Variants in KCNK10 observed in about 807,000 individuals in gnomAD.
KCNK10 encodes the protein potassium two pore domain channel subfamily K member 10.
KCNK10 carries 25 observed loss-of-function variants against 47.7 expected under a neutral mutation model. The observed-to-expected ratio is 0.52, with a 90% CI of 0.38 to 0.73. The LOEUF (loss-of-function observed/expected upper bound fraction) is 0.73. Among genes scored for constraint, KCNK10 ranks in the 30% least tolerant of loss-of-function variants. KCNK10 has a pLI of 0.00. For missense variants in KCNK10, 563 were observed against 714.5 expected (o/e 0.79, Z 2.42); for synonymous variants, 303 against 285.6 (o/e 1.06, Z -0.61).
intron 6 of KCNK10, among the ~76,000 whole-genome samples, chr14:88,187,738 C>T (rs760899268): frequency 9.9e-5 from 15 of 151,592 alleles, no homozygotes; most frequent in Non-Finnish European, 2.1e-4. Flanking sequence ...GGCTGGTAAA[C>T]GAATCACCAT....
At chr14:88,244,782 T>A (rs1024028683) in intron 2 of KCNK10, among the ~76,000 whole-genome samples, 1 of 152,156 alleles carries the variant, frequency 6.6e-6, no homozygotes, top group Non-Finnish European at 1.5e-5. Flanking sequence ...TCGGAACAGT[T>A]TAGCTCAAAA....
intron 1 of KCNK10, among the ~76,000 whole-genome samples, chr14:88,308,979 C>T (rs1240150235): frequency 6.6e-6 from 1 of 152,174 alleles, no homozygotes; most frequent in Non-Finnish European, 1.5e-5. Context: ...GTGCCTGAAA[C>T]AGATTTCTAA....
At chr14:88,264,174 A>G (rs1887193853) in intron 1 of KCNK10, among the ~76,000 whole-genome samples, 1 of 152,232 alleles carries the variant, frequency 6.6e-6, no homozygotes, top group African/African-American at 2.4e-5. Context: ...ATAAGACGTC[A>G]TTGGAAAAAA....
chr14:88,241,575 C>T (rs1886471909), intron 2 of KCNK10, among the ~76,000 whole-genome samples: 1 of 152,066 alleles, frequency 6.6e-6, no homozygotes, highest in Admixed American at 6.6e-5. Context: ...ATTGGAATTC[C>T]ATACACCTTA....
chr14:88,283,286 A>C (rs932026628), intron 1 of KCNK10, among the ~76,000 whole-genome samples: 4 of 152,230 alleles, frequency 2.6e-5, no homozygotes, highest in Non-Finnish European at 4.4e-5. Flanking sequence ...AATCAAACTG[A>C]ACTTTTAAAC....
intron 4 of KCNK10, among the ~76,000 whole-genome samples, chr14:88,206,265 G>C (rs1319658250): frequency 6.6e-6 from 1 of 152,124 alleles, no homozygotes; most frequent in Non-Finnish European, 1.5e-5. Context: ...GGGTGTTTGC[G>C]GTTGTCACAA....
At chr14:88,262,354 G>T (rs561438350) in intron 2 of KCNK10, among the ~76,000 whole-genome samples, 23 of 152,144 alleles carry the variant, frequency 1.5e-4, no homozygotes, top group African/African-American at 5.6e-4. Flanking sequence ...CTCCAACAGG[G>T]CTCTCCACCA....
At chr14:88,233,839 A>C (rs1886220341) in intron 3 of KCNK10, among the ~76,000 whole-genome samples, 1 of 152,236 alleles carries the variant, frequency 6.6e-6, no homozygotes, top group East Asian at 1.9e-4. Flanking sequence ...TTTTCAATGC[A>C]GCAGACAGAT....
chr14:88,240,891 A>T, intron 2 of KCNK10, 71 bp from the exon 3 acceptor site: 1 of 982,976 alleles, frequency 1.0e-6, no homozygotes, highest in Non-Finnish European at 1.6e-6. Flanking sequence ...CAAAAAAAAA[A>T]AAGGTTCCAA....
At position 88,243,922 on chromosome 14, in the gene KCNK10, C is replaced by T. The variant is rs367850459; in HGVS notation, c.403-3102G>A. On this transcript the variant is annotated intron_variant, in intron 2 of 6. Coordinates refer to ENST00000319231, the MANE Select transcript of KCNK10 (RefSeq NM_138317.3). ...AATTCCTCTCTCCCTGCCAAATCTT[C>T]AGTAAAATGGCCAATGCACCCAAAT... Among the ~76,000 whole-genome samples, 32 of 151,518 alleles carry T rather than the reference C, an allele frequency of 2.1e-4. No homozygotes were observed. The South Asian group carries it at 5.2e-3, about 25-fold the overall frequency.
intron 3 of KCNK10, among the ~76,000 whole-genome samples, chr14:88,230,606 G>T (rs1886133464): frequency 6.6e-6 from 1 of 152,220 alleles, no homozygotes; most frequent in African/African-American, 2.4e-5. Flanking sequence ...TCACCAGTCT[G>T]TCTGCGCAGG....
chr14:88,265,007 C>A (rs1321516544), intron 1 of KCNK10, among the ~76,000 whole-genome samples: 1 of 152,242 alleles, frequency 6.6e-6, no homozygotes, highest in Non-Finnish European at 1.5e-5. Flanking sequence ...GGCCAGCAGC[C>A]TCATCCAGGC....
intron 2 of KCNK10, among the ~76,000 whole-genome samples, chr14:88,262,211 C>T (rs889061089): frequency 6.6e-6 from 1 of 152,104 alleles, no homozygotes; most frequent in African/African-American, 2.4e-5. Context: ...AAAGATGAGA[C>T]TCTCCCTCAC....
At chr14:88,300,240 A>G (rs550309883) in intron 1 of KCNK10, among the ~76,000 whole-genome samples, 2 of 152,200 alleles carry the variant, frequency 1.3e-5, no homozygotes, top group South Asian at 4.2e-4. Context: ...ATCCACATAC[A>G]TTCCCTTCCC....
chr14:88,206,687 C>T (rs990424116), intron 4 of KCNK10, among the ~76,000 whole-genome samples: 1 of 152,214 alleles, frequency 6.6e-6, no homozygotes, highest in African/African-American at 2.4e-5. Context: ...TGCCAAGACT[C>T]ACTGCTTCAG....
In KCNK10 at chr14:88,259,648, G is replaced by A. The variant is rs548695205; in HGVS notation, c.402+3554C>T. 9.2e-5 allele frequency among the ~76,000 whole-genome samples: 14 copies of A among 152,264 alleles called. No homozygotes were observed. The South Asian group carries it at 2.3e-3, about 25-fold the overall frequency. ...ATTTTTGTAACTTTTTGTACAAAAG[G>A]GTTTTGCCATGTTGTCCAGACTGGT... On this transcript the variant is annotated intron_variant, in intron 2 of 6. Transcript: ENST00000319231.
chr14:88,244,416 C>A (rs945998477), intron 2 of KCNK10, among the ~76,000 whole-genome samples: 1 of 152,140 alleles, frequency 6.6e-6, no homozygotes, highest in African/African-American at 2.4e-5. Flanking sequence ...TGCCTGTAAT[C>A]CCAGCACTTT....
chr14:88,311,538 C>A (rs766776730), intron 1 of KCNK10, among the ~76,000 whole-genome samples: 22 of 152,142 alleles, frequency 1.4e-4, no homozygotes, highest in Non-Finnish European at 2.1e-4. Context: ...CTAAAAAAAT[C>A]TCATGGTCTA....
At chr14:88,206,241 C>T (rs1179454881) in intron 4 of KCNK10, among the ~76,000 whole-genome samples, 1 of 152,152 alleles carries the variant, frequency 6.6e-6, no homozygotes, top group African/African-American at 2.4e-5. Flanking sequence ...AGGAGGTGGT[C>T]TCTAAACTTG....
Sources: allele counts gnomAD v4.1 joint callset (sites outside exome capture counted in the v4.1 genomes callset), GRCh38; gene constraint gnomAD v4.1.1; transcripts MANE v1.5; gene names NCBI Gene and HGNC (gene_info 2026-07-23, HGNC 2026-07-21).